Variants in NDST1 observed in about 807,000 individuals in gnomAD.
NDST1 encodes N-deacetylase and N-sulfotransferase 1, also known as bifunctional heparan sulfate N-deacetylase/N-sulfotransferase 1.
In NDST1, 35 loss-of-function variants were observed where a neutral mutation model predicts 92.8. The observed-to-expected ratio is 0.38, with a 90% CI of 0.29 to 0.50. NDST1 has a LOEUF of 0.50. NDST1 is among the 20% of genes least tolerant of loss of function. The pLI is 0.94. For missense variants in NDST1, 822 were observed against 1,182.7 expected (o/e 0.69, Z 4.47); for synonymous variants, 493 against 500.3 (o/e 0.99, Z 0.19).
chr5:150,534,489 C>T (rs1233636469), intron 4 of NDST1, among the ~76,000 whole-genome samples: 1 of 152,154 alleles, frequency 6.6e-6, no homozygotes, highest in Admixed American at 6.5e-5. Context: ...TGTATATATA[C>T]AAAGAGCTTC....
At chr5:150,531,134 G>A (rs182341756) in intron 3 of NDST1, among the ~76,000 whole-genome samples, 2 of 151,846 alleles carry the variant, frequency 1.3e-5, no homozygotes, top group Non-Finnish European at 2.9e-5. Flanking sequence ...CATGAATGTC[G>A]CCTCATTAGC....
rs548026599 is a variant in NDST1, at chr5:150,553,713, A to T, written c.*381A>T. On this transcript the variant is annotated 3_prime_UTR_variant, in exon 15 of 15. Coordinates refer to ENST00000261797, the MANE Select transcript of NDST1 (RefSeq NM_001543.5). The surrounding 1 kb of genome is among the most constrained non-coding windows in gnomAD (Gnocchi z 4.2). ...AGGGCGCCCCTCAGTATTCGCTGCC[A>T]TATGTCCCTGTCCTCCAGGCTGTAG... The T allele has an allele frequency of 4.8e-6, 2 of 413,922 alleles. No individual in the cohort carries two copies. The highest frequency in any genetic ancestry group is 9.2e-6 in the Non-Finnish European group (2 of 218,394). 25.6% of individuals were successfully genotyped at this position (413,922 alleles called of 1,614,324 possible).
intron 2 of NDST1, among the ~76,000 whole-genome samples, chr5:150,522,529 C>G (rs1016151679): frequency 6.6e-6 from 1 of 152,076 alleles, no homozygotes; most frequent in South Asian, 2.1e-4. Flanking sequence ...CTAGCTGGGA[C>G]TCTTAGTTGG....
chr5:150,534,851 G>A lies in NDST1; in HGVS notation c.1097-16G>A, dbSNP rs371096881. 8.7e-6 allele frequency: 14 copies of A among 1,614,152 alleles called. No homozygotes were observed. In the Middle Eastern group the frequency reaches 4.9e-4, roughly 57 times the overall value. On this transcript the variant is annotated splice_polypyrimidine_tract_variant and intron_variant, in intron 4 of 14. Coordinates refer to ENST00000261797, the MANE Select transcript of NDST1 (RefSeq NM_001543.5). ...ATGGCCCAGTGGGTGGTTCTGAGCT[G>A]CCTGTGTTGCTGCAGGTACCAATGC...
chr5:150,553,759 G>A lies in NDST1; in HGVS notation c.*427G>A. 2 of 425,816 alleles carry A rather than the reference G, an allele frequency of 4.7e-6. No individual in the cohort carries two copies. The highest frequency in any genetic ancestry group is 5.2e-5 in the South Asian group (2 of 38,606). 26.4% of individuals were successfully genotyped at this position (425,816 alleles called of 1,614,324 possible). A position where few individuals can be genotyped will look rare whatever the true frequency, so the allele number is the denominator to read the frequency against. ...TGTAGGGGAGGAGAGCCTGGCCGGG[G>A]GAGACAGACTGGACATTTCCCTGTT... is the stretch of plus-strand genomic sequence containing the variant. On this transcript the variant is annotated 3_prime_UTR_variant, in exon 15 of 15. Transcript: ENST00000261797. The surrounding 1 kb of genome is among the most constrained non-coding windows in gnomAD (Gnocchi z 4.2).
In NDST1 at chr5:150,551,745, C is replaced by A. The variant is rs1211625801; in HGVS notation, c.2427-8C>A. 1 of 1,612,178 alleles carries A rather than the reference C, an allele frequency of 6.2e-7. No homozygotes were observed. Among genetic ancestry groups the A allele is most frequent in the Non-Finnish European group, 8.5e-7 (1 of 1,178,704 alleles). ...AGCTCCCATCCAAAGACTTTCCCAC[C>A]TCCACAGGTTTGATCCAAAGAAAGG... On this transcript the variant is annotated splice_region_variant and splice_polypyrimidine_tract_variant and intron_variant, in intron 13 of 14. Coordinates refer to ENST00000261797, the MANE Select transcript of NDST1 (RefSeq NM_001543.5).
intron 2 of NDST1, among the ~76,000 whole-genome samples, chr5:150,527,322 C>T (rs1221593457): frequency 1.3e-5 from 2 of 152,202 alleles, no homozygotes; most frequent in African/African-American, 4.8e-5. Context: ...ATTCTGAGCA[C>T]GTTGCCGGTA....
At chr5:150,522,446 A>G (rs1336736920) in intron 2 of NDST1, among the ~76,000 whole-genome samples, 1 of 145,622 alleles carries the variant, frequency 6.9e-6, no homozygotes, top group Non-Finnish European at 1.5e-5. Flanking sequence ...TGGCGGGGGG[A>G]GGTTGGGAAT....
chr5:150,544,610 C>T (rs145369363), intron 10 of NDST1, among the ~76,000 whole-genome samples: 37 of 152,336 alleles, frequency 2.4e-4, no homozygotes, highest in African/African-American at 6.7e-4. Flanking sequence ...TGAGAGTGGA[C>T]TTTGCTTCCC....
upstream of NDST1, among the ~76,000 whole-genome samples, chr5:150,504,663 G>GC (rs990243445): frequency 1.3e-5 from 2 of 152,186 alleles, no homozygotes; most frequent in Admixed American, 6.5e-5. Context: ...TGCCAGCTCT[G>GC]CCCCTTCCTG....
intron 8 of NDST1, among the ~76,000 whole-genome samples, chr5:150,541,338 T>A (rs1355648200): frequency 6.6e-6 from 1 of 152,232 alleles, no homozygotes; most frequent in Non-Finnish European, 1.5e-5. Flanking sequence ...GCTTATGAGT[T>A]CCTGTTACGT....
At chr5:150,519,690 A>G (rs1382786123) in intron 1 of NDST1, among the ~76,000 whole-genome samples, 1 of 151,076 alleles carries the variant, frequency 6.6e-6, no homozygotes, top group South Asian at 2.1e-4. Flanking sequence ...CGCCTCAAAA[A>G]AAAAAAGTAA....
chr5:150,548,089 C>G, intron 11 of NDST1, 129 bp from the exon 12 acceptor site: 1 of 1,051,894 alleles, frequency 9.5e-7, no homozygotes, highest in Non-Finnish European at 1.4e-6. Flanking sequence ...GAGGCAGAGC[C>G]AGGACTCAGA....
rs1480333058 is a variant in NDST1 at position 150,531,494 on chromosome 5, T to C, written c.1009-1451T>C. Among the ~76,000 whole-genome samples the C allele has an allele frequency of 2.0e-5, 3 of 146,758 alleles. No homozygotes were observed. The Admixed American group carries it at 2.1e-4, about 10-fold the overall frequency. ...GCTCTTACAGGTTTCTTTTTTCTTT[T>C]TCTCTCTTTTTTTTTTTTTTTTTGA... is the stretch of plus-strand genomic sequence containing the variant. On this transcript the variant is annotated intron_variant, in intron 3 of 14. Transcript: ENST00000261797.
At position 150,527,968 on chromosome 5, in the gene NDST1, G is replaced by A. The variant is rs552981120; in HGVS notation, c.678G>A (p.Thr226=). ...GTGTGCTCCCCGGCGAGGACTGGAC[G>A]GTTTTCCAGTCAAATCACTCCACCT... ...EKGVLPGEDW[T]VFQSNHSTYE... is the part of the protein sequence containing the mutation. Residue 226 remains threonine, a synonymous_variant, in exon 3 of 15, where the codon ACG becomes ACA. Coordinates refer to ENST00000261797, the MANE Select transcript of NDST1 (RefSeq NM_001543.5). The A allele has an allele frequency of 4.2e-5, 67 of 1,613,982 alleles. 1 individual carries two copies. Among genetic ancestry groups the A allele is most frequent in the South Asian group, 3.2e-4 (29 of 91,072 alleles).
intron 3 of NDST1, among the ~76,000 whole-genome samples, chr5:150,531,031 T>A (rs908176872): frequency 3.3e-5 from 5 of 151,962 alleles, no homozygotes; most frequent in Non-Finnish European, 7.4e-5. Context: ...CAATCCTACT[T>A]GCCTTAAACA....
In NDST1 at chr5:150,553,125, G is replaced by C. The variant is rs1014363069; in HGVS notation, c.2530-88G>C. On this transcript the variant is annotated intron_variant, in intron 14 of 14. Transcript: ENST00000261797. The surrounding 1 kb of genome is among the most constrained non-coding windows in gnomAD (Gnocchi z 4.2). ...CAAAGTGCTGGGATTACAGGCATGAGCCACCGTGCCCGGCCGAGCATGGCG... is the reference window on the plus strand; with the variant it reads ...CAAAGTGCTGGGATTACAGGCATGACCCACCGTGCCCGGCCGAGCATGGCG... 37 of 1,411,508 alleles carry C rather than the reference G, an allele frequency of 2.6e-5. No homozygotes were observed. The highest frequency in any genetic ancestry group is 3.5e-5 in the Non-Finnish European group (36 of 1,016,542). 87.4% of individuals were successfully genotyped at this position (1,411,508 alleles called of 1,614,324 possible). A position where few individuals can be genotyped will look rare whatever the true frequency, so the allele number is the denominator to read the frequency against.
intron 1 of NDST1, among the ~76,000 whole-genome samples, chr5:150,517,515 C>T (rs1467535947): frequency 2.6e-5 from 4 of 152,094 alleles, no homozygotes; most frequent in African/African-American, 7.2e-5. Flanking sequence ...AGTTTACTTT[C>T]GGGTTCACCT....
intron 1 of NDST1, 83 bp from the exon 2 acceptor site, chr5:150,520,785 C>G: frequency 2.5e-6 from 1 of 400,602 alleles, no homozygotes; most frequent in Non-Finnish European, 4.4e-6. Flanking sequence ...TTTGGGCATT[C>G]CTAGGTCAGC....
Sources: allele counts gnomAD v4.1 joint callset (sites outside exome capture counted in the v4.1 genomes callset), GRCh38; gene constraint gnomAD v4.1.1; non-coding constraint Gnocchi (gnomAD v3.1); transcripts MANE v1.5; gene names NCBI Gene and HGNC (gene_info 2026-07-23, HGNC 2026-07-21).